Variants in THADA observed in about 807,000 individuals in gnomAD.
THADA encodes the protein tRNA (32-2'-O)-methyltransferase regulator THADA.
A neutral mutation model predicts 219.8 loss-of-function variants in THADA; 213 were observed. The observed-to-expected ratio is 0.97, with a 90% CI of 0.87 to 1.09. The LOEUF (loss-of-function observed/expected upper bound fraction) is 1.09. Ranked by LOEUF, THADA falls within the 50% of genes least tolerant of loss-of-function variation. The probability of loss-of-function intolerance (pLI) is 0.00; values close to 1 mark genes in which losing one functional copy is unlikely to be tolerated. For synonymous variants in THADA, 1,018 were observed against 828.9 expected (o/e 1.23, Z -3.92); for missense variants, 2,956 against 2,311.3 (o/e 1.28, Z -5.72).
intron 28 of THADA, among the ~76,000 whole-genome samples, chr2:43,423,038 C>A (rs1460529624): frequency 6.6e-6 from 1 of 152,202 alleles, no homozygotes; most frequent in Non-Finnish European, 1.5e-5. Context: ...GACATTCAAG[C>A]ATTTGCCCAA....
chr2:43,569,179 G>A (rs1007039531), intron 14 of THADA, among the ~76,000 whole-genome samples: 3 of 152,028 alleles, frequency 2.0e-5, no homozygotes, highest in African/African-American at 4.8e-5. Flanking sequence ...GTCTTGCTAT[G>A]TTGCCCAGGC....
chr2:43,326,544 T>C (rs531023953), intron 30 of THADA, among the ~76,000 whole-genome samples: 1 of 152,338 alleles, frequency 6.6e-6, no homozygotes, highest in Non-Finnish European at 1.5e-5. Flanking sequence ...TCCTAACTCC[T>C]ATCTACAAGA....
chr2:43,328,699 G>A (rs937932671), intron 30 of THADA, among the ~76,000 whole-genome samples: 2 of 152,174 alleles, frequency 1.3e-5, no homozygotes, highest in Non-Finnish European at 2.9e-5. Context: ...GAAAGCAGAG[G>A]GCCTTACCCA....
intron 31 of THADA, among the ~76,000 whole-genome samples, chr2:43,297,164 A>C (rs1675525400): frequency 1.1e-5 from 1 of 91,336 alleles, no homozygotes. Context: ...CCATCGTCTG[A>C]GATGTGGGGA....
At chr2:43,364,910 T>C (rs1669951599) in intron 29 of THADA, among the ~76,000 whole-genome samples, 1 of 151,932 alleles carries the variant, frequency 6.6e-6, no homozygotes, top group Admixed American at 6.6e-5. Context: ...GTAATTGTGA[T>C]GGTAACTGAC....
At chr2:43,554,148 G>C (rs1270335478) in intron 17 of THADA, among the ~76,000 whole-genome samples, 2 of 152,026 alleles carry the variant, frequency 1.3e-5, no homozygotes, top group Non-Finnish European at 2.9e-5. Flanking sequence ...TCCCTTTGTG[G>C]CTTGTACTTT....
chr2:43,378,959 C>T (rs1235829512), intron 29 of THADA, among the ~76,000 whole-genome samples: 1 of 152,022 alleles, frequency 6.6e-6, no homozygotes, highest in Non-Finnish European at 1.5e-5. Flanking sequence ...ACAACCTCAA[C>T]TGGAGGATAA....
intron 21 of THADA, among the ~76,000 whole-genome samples, chr2:43,532,849 C>G (rs1201022368): frequency 2.0e-5 from 3 of 152,158 alleles, no homozygotes; most frequent in Non-Finnish European, 4.4e-5. Flanking sequence ...GACTTCTTGA[C>G]TAAAACACCA....
intron 30 of THADA, among the ~76,000 whole-genome samples, chr2:43,340,987 G>C (rs569558206): frequency 5.6e-4 from 86 of 152,308 alleles, no homozygotes; most frequent in African/African-American, 1.8e-3. Context: ...TTGCTATTTA[G>C]GAACCTCAAA....
At chr2:43,337,436 AAAT>A (rs1368664698) in intron 30 of THADA, among the ~76,000 whole-genome samples, 2 of 152,208 alleles carry the variant, frequency 1.3e-5, no homozygotes, top group East Asian at 3.8e-4. Context: ...AGAGTTAATG[AAAT>A]AATATTTACA....
chr2:43,271,842 T>C (rs966134153), intron 36 of THADA, among the ~76,000 whole-genome samples: 5 of 152,294 alleles, frequency 3.3e-5, no homozygotes, highest in African/African-American at 1.2e-4. Context: ...CTCGAACTCC[T>C]GACCTCAGGT....
chr2:43,424,237 G>C (rs950873357), intron 28 of THADA, among the ~76,000 whole-genome samples: 1 of 152,162 alleles, frequency 6.6e-6, no homozygotes, highest in African/African-American at 2.4e-5. Context: ...GGAAATAGCA[G>C]GTAAGTACAC....
intron 31 of THADA, among the ~76,000 whole-genome samples, chr2:43,299,345 G>C (rs761403477): frequency 6.6e-6 from 1 of 152,256 alleles, no homozygotes; most frequent in South Asian, 2.1e-4. Context: ...GGAGGACAAA[G>C]AACAAGTACA....
chr2:43,541,191 C>G lies in THADA; in HGVS notation c.3232G>C (p.Glu1078Gln), dbSNP rs188031118. 6.3e-7 allele frequency: 1 copy of G among 1,599,236 alleles called. No individual in the cohort carries two copies. Among genetic ancestry groups the G allele is most frequent in the Non-Finnish European group, 8.5e-7 (1 of 1,175,056 alleles). Residue 1078 changes from glutamate (E) to glutamine (Q), a missense_variant, in exon 21 of 38, where the codon GAA becomes CAA. Physicochemically the swap from Glu to Gln is conservative, Grantham distance 29 (BLOSUM62 2). Transcript: ENST00000405975. ...CQLLPMQPVP[E>Q]SSDGLLTVEQ... The stretch of plus-strand genomic sequence containing the variant: ...ACCGTCAATAATCCATCAGAAGATT[C>G]TGGCACAGGCTGCATGGGCAGAAGC...
intron 26 of THADA, among the ~76,000 whole-genome samples, chr2:43,479,755 T>G (rs1159715955): frequency 1.3e-5 from 2 of 152,192 alleles, no homozygotes; most frequent in Non-Finnish European, 2.9e-5. Flanking sequence ...TTAGAAACCT[T>G]GAGCCTTGCT....
At chr2:43,560,410 G>C in intron 15 of THADA, 25 bp from the exon 16 acceptor site, 10 of 1,454,628 alleles carry the variant, frequency 6.9e-6, no homozygotes, top group Non-Finnish European at 9.1e-6. Context: ...AAAACAAAAA[G>C]ATTTAAAAGT....
chr2:43,433,386 G>A (rs866281026), intron 26 of THADA, among the ~76,000 whole-genome samples: 8 of 151,988 alleles, frequency 5.3e-5, no homozygotes, highest in Middle Eastern at 6.8e-3. Flanking sequence ...AAAATTAGCC[G>A]GGTGTGGCGG....
chr2:43,270,144 TAG>T (rs1671960795), intron 36 of THADA, among the ~76,000 whole-genome samples: 1 of 152,192 alleles, frequency 6.6e-6, no homozygotes, highest in South Asian at 2.1e-4. Context: ...TGGGGGACAG[TAG>T]AGAGGTACTG....
chr2:43,381,520 G>C (rs1672026310), intron 29 of THADA, among the ~76,000 whole-genome samples: 1 of 151,980 alleles, frequency 6.6e-6, no homozygotes, highest in African/African-American at 2.4e-5. Flanking sequence ...CTCTATAGTG[G>C]AGAAACCTGG....
Sources: gnomAD v4.1 joint callset for allele counts (sites outside exome capture counted in the v4.1 genomes callset) on GRCh38, gnomAD v4.1.1 for gene constraint, MANE v1.5 for transcripts, NCBI Gene and HGNC (gene_info 2026-07-23, HGNC 2026-07-21) for gene names.